ORC5: variants seen among roughly 807,000 people sequenced by gnomAD.
The protein encoded by ORC5 is protein phosphatase 1, regulatory subunit 117.
Under a neutral mutation model 58.8 loss-of-function variants are expected in ORC5, and 39 were observed. That is an observed-to-expected ratio of 0.66 (90% confidence interval 0.51 to 0.87). The LOEUF is 0.87. Ranked by LOEUF, ORC5 falls within the 40% of genes least tolerant of loss-of-function variation. The pLI, the probability that ORC5 is intolerant of heterozygous loss-of-function variation, is 0.00. For missense variants in ORC5, 493 were observed against 506.3 expected (o/e 0.97, Z 0.25); for synonymous variants, 218 against 177.6 (o/e 1.23, Z -1.81).
rs577431053 is a variant in ORC5, at chr7:104,143,592, C to G, written c.1150-6699G>C. Among the ~76,000 whole-genome samples the G allele has an allele frequency of 5.3e-5, 8 of 152,044 alleles. No individual in the cohort carries two copies. In the East Asian group the frequency reaches 1.6e-3, roughly 29 times the overall value. ...CCAAAATATTAATAAGATGATTGAT[C>G]AATTTTTTTAGGGGTAGGGATGATT... On this transcript the variant is annotated intron_variant, in intron 12 of 13. Coordinates refer to ENST00000297431, the MANE Select transcript of ORC5 (RefSeq NM_002553.4).
At chr7:104,156,763 G>A (rs555073332) in intron 12 of ORC5, among the ~76,000 whole-genome samples, 8 of 151,902 alleles carry the variant, frequency 5.3e-5, no homozygotes, top group African/African-American at 1.7e-4. Context: ...CTCCAGGTAC[G>A]AAATATAATT....
At position 104,208,006 on chromosome 7, in the gene ORC5, C is replaced by G; in HGVS notation, c.-102G>C. ...TGGCGGCCCACGCTCCCGCCGGAAA[C>G]CGGACCCGCAGCGTCGTGGGAGGAG... is the stretch of plus-strand genomic sequence containing the variant. On this transcript the variant is annotated 5_prime_UTR_variant, in exon 1 of 14. Coordinates refer to ENST00000297431, the MANE Select transcript of ORC5 (RefSeq NM_002553.4). 8.7e-7 allele frequency: 1 copy of G among 1,145,992 alleles called. No individual in the cohort carries two copies. The highest frequency in any genetic ancestry group is 2.4e-5 in the East Asian group (1 of 41,076). The allele number at this position is 1,145,992 out of a possible 1,614,324, so 71.0% of individuals were successfully genotyped here. A position where few individuals can be genotyped will look rare whatever the true frequency, so the allele number is the denominator to read the frequency against.
intron 6 of ORC5, 98 bp downstream of exon 6, chr7:104,188,153 C>T (rs1799589606): frequency 2.9e-5 from 29 of 1,009,142 alleles, no homozygotes; most frequent in Non-Finnish European, 4.0e-5. Context: ...CATACCATTT[C>T]TACATGGAAA....
chr7:104,164,872 A>G (rs1245449509), intron 11 of ORC5, among the ~76,000 whole-genome samples: 1 of 151,462 alleles, frequency 6.6e-6, no homozygotes, highest in Non-Finnish European at 1.5e-5. Flanking sequence ...GGGGTCTCTC[A>G]TCTGCTTAGT....
intron 8 of ORC5, among the ~76,000 whole-genome samples, chr7:104,176,741 A>G (rs891043802): frequency 4.6e-5 from 7 of 152,222 alleles, no homozygotes; most frequent in African/African-American, 1.7e-4. Flanking sequence ...TTTTAAATAT[A>G]AAAATAAATA....
chr7:104,180,912 TTCTAAG>T (rs1383281169), intron 8 of ORC5, among the ~76,000 whole-genome samples: 1 of 152,220 alleles, frequency 6.6e-6, no homozygotes, highest in Non-Finnish European at 1.5e-5. Flanking sequence ...TCCATGGCTA[TTCTAAG>T]TCTCTGTCAT....
chr7:104,169,611 A>G (rs1348691721), intron 8 of ORC5, among the ~76,000 whole-genome samples: 1 of 152,208 alleles, frequency 6.6e-6, no homozygotes, highest in Non-Finnish European at 1.5e-5. Context: ...GCTAATTTAA[A>G]AATAATGCCA....
intron 8 of ORC5, among the ~76,000 whole-genome samples, chr7:104,177,625 T>C (rs1240331975): frequency 1.3e-5 from 2 of 152,192 alleles, no homozygotes; most frequent in Non-Finnish European, 2.9e-5. Context: ...GTTACATAGG[T>C]ATACATGTGC....
At chr7:104,168,230 T>C in intron 9 of ORC5, 1 of 1,052,008 alleles carries the variant, frequency 9.5e-7, no homozygotes, top group Non-Finnish European at 1.2e-6. Context: ...AACTGCTTGA[T>C]TTTCATGATA....
At chr7:104,201,080 C>G (rs528705638) in intron 2 of ORC5, 122 bp from the exon 3 acceptor site, 45 of 724,640 alleles carry the variant, frequency 6.2e-5, no homozygotes, top group Non-Finnish European at 9.9e-5. Flanking sequence ...ACCCCATGCC[C>G]CAAGAGCCTG....
Position 104,183,242 on chromosome 7 carries a change from G to A in ORC5, c.824+701C>T, listed in dbSNP as rs114806035. Among the ~76,000 whole-genome samples the A allele has an allele frequency of 4.0e-3, 611 of 152,134 alleles. 3 individuals carry two copies. Among genetic ancestry groups the A allele is most frequent in the African/African-American group, 0.014 (586 of 41,484 alleles). The stretch of plus-strand genomic sequence containing the variant: ...GAACACACAAAATTAACTTAACAAC[G>A]GACTCTAGGTAGACTCAGCCACTCC... On this transcript the variant is annotated intron_variant, in intron 8 of 13. Coordinates refer to ENST00000297431, the MANE Select transcript of ORC5 (RefSeq NM_002553.4).
rs767898328 is a variant in ORC5 at position 104,156,033 on chromosome 7, C to G, written c.1149+5039G>C. Among the ~76,000 whole-genome samples the G allele has an allele frequency of 4.3e-4, 65 of 151,504 alleles. 1 individual carries two copies. The highest frequency in any genetic ancestry group is 1.4e-3 in the Admixed American group (22 of 15,200). ...TTAGAAAGAATACCTATAAACTTTA[C>G]CCATTTACTGCATGTATTCCATTCT... On this transcript the variant is annotated intron_variant, in intron 12 of 13. Transcript: ENST00000297431.
At chr7:104,186,191 G>C (rs949646407) in intron 6 of ORC5, among the ~76,000 whole-genome samples, 2 of 151,438 alleles carry the variant, frequency 1.3e-5, no homozygotes, top group Non-Finnish European at 2.9e-5. Context: ...TGAACTGTGA[G>C]GGTCCACTTG....
rs550235665 is a variant in ORC5, at chr7:104,180,142, CAT to C, written c.824+3799_824+3800del. On this transcript the variant is annotated intron_variant, in intron 8 of 13. Transcript: ENST00000297431. ...AAGGTACTAGTTTTCTGTTTACACT[CAT>C]AGTGTGTTCTCACAAGCTTGACCAC... Among the ~76,000 whole-genome samples, 471 of 152,304 alleles carry C rather than the reference CAT, an allele frequency of 3.1e-3. 2 individuals are homozygous for C. The highest frequency in any genetic ancestry group is 6.8e-3 in the Middle Eastern group (2 of 294).
chr7:104,132,729 T>C (rs750400299), intron 13 of ORC5, among the ~76,000 whole-genome samples: 1 of 152,224 alleles, frequency 6.6e-6, no homozygotes, highest in Non-Finnish European at 1.5e-5. Flanking sequence ...TAGGAGCTTG[T>C]ATTCTAGAAA....
At chr7:104,163,572 C>T (rs902689259) in intron 11 of ORC5, among the ~76,000 whole-genome samples, 14 of 152,158 alleles carry the variant, frequency 9.2e-5, no homozygotes, top group Admixed American at 5.2e-4. Flanking sequence ...CTGCAAGCTA[C>T]GCCTCCCAGG....
chr7:104,160,643 T>G (rs763619750), intron 12 of ORC5, among the ~76,000 whole-genome samples: 51 of 152,142 alleles, frequency 3.4e-4, no homozygotes, highest in Non-Finnish European at 6.0e-4. Context: ...AAAACAGCAT[T>G]TTTTAATAAA....
intron 1 of ORC5, among the ~76,000 whole-genome samples, chr7:104,205,907 C>G (rs750838342): frequency 1.3e-5 from 2 of 152,152 alleles, no homozygotes; most frequent in Non-Finnish European, 2.9e-5. Context: ...TACTCGGAGG[C>G]TGAGGTGGGC....
intron 8 of ORC5, among the ~76,000 whole-genome samples, chr7:104,169,876 C>G (rs1413570925): frequency 1.3e-5 from 2 of 152,124 alleles, no homozygotes; most frequent in Non-Finnish European, 2.9e-5. Flanking sequence ...TATTCTTCTA[C>G]TCTTATTTCC....
Sources: gnomAD v4.1 joint callset for allele counts (sites outside exome capture counted in the v4.1 genomes callset) on GRCh38, gnomAD v4.1.1 for gene constraint, MANE v1.5 for transcripts, NCBI Gene and HGNC (gene_info 2026-07-23, HGNC 2026-07-21) for gene names.